RIT2: variants seen among roughly 807,000 people sequenced by gnomAD.
RIT2 encodes the protein GTP-binding protein Rit2.
RIT2 carries 24 observed loss-of-function variants against 23.7 expected under a neutral mutation model. The observed-to-expected ratio is 1.01, with a 90% CI of 0.73 to 1.43. The LOEUF is 1.43. RIT2 is among the 40% of genes most tolerant of loss of function. RIT2 has a pLI of 0.00. For missense variants in RIT2, 236 were observed against 266.9 expected (o/e 0.88, Z 0.81); for synonymous variants, 107 against 91.1 (o/e 1.17, Z -0.99).
intron 4 of RIT2, among the ~76,000 whole-genome samples, chr18:42,848,942 C>T (rs2144033538): frequency 6.6e-6 from 1 of 152,162 alleles, no homozygotes; most frequent in South Asian, 2.1e-4. Flanking sequence ...ATTTCTAGGC[C>T]TTCTATCCAC....
At chr18:42,961,835 G>A (rs1174812884) in intron 3 of RIT2, among the ~76,000 whole-genome samples, 1 of 152,150 alleles carries the variant, frequency 6.6e-6, no homozygotes, top group Non-Finnish European at 1.5e-5. Flanking sequence ...TCAATTAGTG[G>A]AGCAACCTCC....
At position 42,970,549 on chromosome 18, in the gene RIT2, G is replaced by T. The variant is rs115816646; in HGVS notation, c.234+3525C>A. Among the ~76,000 whole-genome samples the T allele has an allele frequency of 5.2e-3, 787 of 151,972 alleles. 5 individuals are homozygous for T. Among genetic ancestry groups the T allele is most frequent in the African/African-American group, 0.016 (652 of 41,496 alleles). On this transcript the variant is annotated intron_variant, in intron 3 of 4. Coordinates refer to ENST00000326695, the MANE Select transcript of RIT2 (RefSeq NM_002930.4). The stretch of plus-strand genomic sequence containing the variant: ...TGCAGAAAACCTCAAAAGCAGAAAG[G>T]TCTATCTGAACTTCTCTCACCCCTG...
intron 3 of RIT2, among the ~76,000 whole-genome samples, chr18:42,969,625 T>G (rs1910316243): frequency 6.6e-6 from 1 of 150,554 alleles, no homozygotes; most frequent in Admixed American, 6.7e-5. Context: ...AAGCCAGGTA[T>G]GGGGCAAGAC....
chr18:42,804,271 A>G (rs1568000347), intron 4 of RIT2, among the ~76,000 whole-genome samples: 1 of 152,128 alleles, frequency 6.6e-6, no homozygotes, highest in African/African-American at 2.4e-5. Flanking sequence ...GAAATTAAAG[A>G]GGCTGGGTGT....
At chr18:43,106,625 C>T (rs979522708) in intron 1 of RIT2, among the ~76,000 whole-genome samples, 2 of 152,134 alleles carry the variant, frequency 1.3e-5, no homozygotes, top group Non-Finnish European at 2.9e-5. Flanking sequence ...GGCCCCAGTC[C>T]CCCACTCCCC....
chr18:42,821,989 A>G (rs1003564754), intron 4 of RIT2, among the ~76,000 whole-genome samples: 5 of 152,200 alleles, frequency 3.3e-5, no homozygotes, highest in African/African-American at 1.2e-4. Context: ...GTTCTATCTA[A>G]TGAGATCAGA....
intron 3 of RIT2, among the ~76,000 whole-genome samples, chr18:42,957,127 C>T (rs1369461554): frequency 6.6e-6 from 1 of 152,144 alleles, no homozygotes; most frequent in Non-Finnish European, 1.5e-5. Context: ...ATTACATATT[C>T]ACTTAAAACA....
Position 43,026,546 on chromosome 18 carries a change from C to T in RIT2, c.160+7265G>A, listed in dbSNP as rs116312909. On this transcript the variant is annotated intron_variant, in intron 2 of 4. Transcript: ENST00000326695. ...TCCAGCCTGGCAACAGAGTAAGACTCTGTCAAAAAAAAAAGTAAGAAATAA... is the reference window on the plus strand; with the variant it reads ...TCCAGCCTGGCAACAGAGTAAGACTTTGTCAAAAAAAAAAGTAAGAAATAA... Among the ~76,000 whole-genome samples the T allele has an allele frequency of 3.8e-3, 442 of 116,100 alleles. 2 individuals carry two copies. The highest frequency in any genetic ancestry group is 0.015 in the African/African-American group (431 of 28,414). 76.2% of individuals were successfully genotyped at this position (116,100 alleles called of 152,430 possible).
intron 1 of RIT2, among the ~76,000 whole-genome samples, chr18:43,094,108 T>C (rs1876405862): frequency 1.4e-5 from 2 of 138,092 alleles, no homozygotes; most frequent in Non-Finnish European, 1.5e-5. Flanking sequence ...AAATTGGTAT[T>C]AGTGGGTTTT....
At chr18:42,977,270 C>G (rs1246872892) in intron 2 of RIT2, among the ~76,000 whole-genome samples, 1 of 151,316 alleles carries the variant, frequency 6.6e-6, no homozygotes, top group Non-Finnish European at 1.5e-5. Context: ...CAGTTTTACA[C>G]ATTATCTGTA....
chr18:42,878,155 G>C (rs1174813963), intron 4 of RIT2, among the ~76,000 whole-genome samples: 1 of 150,838 alleles, frequency 6.6e-6, no homozygotes, highest in African/African-American at 2.4e-5. Context: ...ACCAATGCAA[G>C]GGTTGGGGCA....
chr18:42,858,080 C>A lies in RIT2; in HGVS notation c.426+65492G>T, dbSNP rs566471921. ...CCTGTAATCCCAGCTACTCAGGAGA[C>A]TGAGGCAGGAGAATTGCTTGAACCC... On this transcript the variant is annotated intron_variant, in intron 4 of 4. Transcript: ENST00000326695. 2.6e-5 allele frequency among the ~76,000 whole-genome samples: 4 copies of A among 152,256 alleles called. No homozygotes were observed. In the South Asian group the frequency reaches 6.2e-4, roughly 24 times the overall value.
chr18:43,083,302 G>A (rs1283341136), intron 1 of RIT2, among the ~76,000 whole-genome samples: 1 of 152,104 alleles, frequency 6.6e-6, no homozygotes, highest in South Asian at 2.1e-4. Flanking sequence ...TGGCCATACT[G>A]CCCAAAGTAA....
At chr18:42,818,384 T>G (rs1359397900) in intron 4 of RIT2, among the ~76,000 whole-genome samples, 1 of 152,068 alleles carries the variant, frequency 6.6e-6, no homozygotes, top group Non-Finnish European at 1.5e-5. Flanking sequence ...GATGCTTTTC[T>G]TCTGAGAAAT....
Position 42,743,444 on chromosome 18 carries a change from G to A in RIT2, c.*49C>T. 1.5e-6 allele frequency: 2 copies of A among 1,300,228 alleles called. No homozygotes were observed. The highest frequency in any genetic ancestry group is 1.1e-6 in the Non-Finnish European group (1 of 899,946). 80.5% of individuals were successfully genotyped at this position (1,300,228 alleles called of 1,614,324 possible). On this transcript the variant is annotated 3_prime_UTR_variant, in exon 5 of 5. Transcript: ENST00000326695. Reference sequence around the variant, plus strand: ...GAAGCAGAATGCTACATATGGAATTGTCCAACTAATAAAATTCAGAGAGCG... The same window carrying A: ...GAAGCAGAATGCTACATATGGAATTATCCAACTAATAAAATTCAGAGAGCG...
At chr18:42,866,099 A>G (rs530394308) in intron 4 of RIT2, among the ~76,000 whole-genome samples, 1 of 152,310 alleles carries the variant, frequency 6.6e-6, no homozygotes, top group East Asian at 1.9e-4. Flanking sequence ...AGATAAAGCA[A>G]TTGACAAAAG....
intron 4 of RIT2, among the ~76,000 whole-genome samples, chr18:42,830,149 C>G (rs559963758): frequency 2.0e-3 from 304 of 152,264 alleles, no homozygotes; most frequent in African/African-American, 6.7e-3. Flanking sequence ...AATTTAGAGA[C>G]CATAACTAGC....
intron 4 of RIT2, among the ~76,000 whole-genome samples, chr18:42,760,101 T>C (rs998522359): frequency 1.1e-4 from 17 of 152,122 alleles, no homozygotes; most frequent in Non-Finnish European, 2.1e-4. Flanking sequence ...TTACATTCTC[T>C]AAGTGTCTTT....
At chr18:42,914,022 T>C (rs570431525) in intron 4 of RIT2, among the ~76,000 whole-genome samples, 1 of 152,172 alleles carries the variant, frequency 6.6e-6, no homozygotes, top group East Asian at 1.9e-4. Flanking sequence ...CAGAAGCATG[T>C]ACAGATCCTT....
Sources: gnomAD v4.1 joint callset for allele counts (sites outside exome capture counted in the v4.1 genomes callset) on GRCh38, gnomAD v4.1.1 for gene constraint, MANE v1.5 for transcripts, NCBI Gene and HGNC (gene_info 2026-07-23, HGNC 2026-07-21) for gene names.